Variants in SGCD observed in about 807,000 individuals in gnomAD.
The protein encoded by SGCD is sarcoglycan delta, also known as delta-sarcoglycan.
Under a neutral mutation model 36.6 loss-of-function variants are expected in SGCD, and 18 were observed. That is an observed-to-expected ratio of 0.49 (90% CI 0.34 to 0.73). SGCD has a LOEUF of 0.73. Among genes scored for constraint, SGCD ranks in the 30% least tolerant of loss-of-function variants. The pLI, the probability that SGCD is intolerant of heterozygous loss-of-function variation, is 0.01. For missense variants in SGCD, 387 were observed against 346.7 expected (o/e 1.12, Z -0.92); for synonymous variants, 133 against 130.6 (o/e 1.02, Z -0.12).
chr5:156,076,911 C>T (rs1279399461), intron 1 of SGCD, among the ~76,000 whole-genome samples: 2 of 152,094 alleles, frequency 1.3e-5, no homozygotes, highest in African/African-American at 2.4e-5. Context: ...AAAATTATTG[C>T]TATTTCTTTG....
At chr5:156,254,141 A>C (rs563376360) in intron 3 of SGCD, among the ~76,000 whole-genome samples, 7 of 152,160 alleles carry the variant, frequency 4.6e-5, no homozygotes, top group African/African-American at 1.4e-4. Context: ...TGACTAATAC[A>C]CTGATAATAG....
the SGCD span, among the ~76,000 whole-genome samples, chr5:155,781,545 T>C: frequency 6.6e-6 from 1 of 152,310 alleles, no homozygotes; most frequent in South Asian, 2.1e-4. Context: ...CAATGCACCC[T>C]TGACCTCCTG....
chr5:156,269,341 G>C (rs551707335), intron 3 of SGCD, among the ~76,000 whole-genome samples: 1 of 151,726 alleles, frequency 6.6e-6, no homozygotes, highest in African/African-American at 2.4e-5. Context: ...ATGTTGGCGG[G>C]TGCCTGTTGT....
upstream of SGCD, chr5:156,326,674 A>G (rs1767824230): frequency 6.6e-6 from 1 of 152,336 alleles, no homozygotes; most frequent in South Asian, 2.1e-4. Flanking sequence ...CAGGACTGGC[A>G]AGAGCTCAGG....
At position 156,576,428 on chromosome 5, in the gene SGCD, C is replaced by T. The variant is rs80101550; in HGVS notation, c.295-12803C>T. ...ATAGTAGCATGATTTATAATCCTTT[C>T]GGTATATACCCAGTAATAAGATCAC... On this transcript the variant is annotated intron_variant, in intron 4 of 8. Coordinates refer to ENST00000337851, the MANE Select transcript of SGCD (RefSeq NM_000337.6). Among the ~76,000 whole-genome samples, 1,076 of 152,172 alleles carry T rather than the reference C, an allele frequency of 7.1e-3. 12 individuals carry two copies. The highest frequency in any genetic ancestry group is 0.05 in the East Asian group (256 of 5,164).
chr5:156,508,405 G>A (rs1418682737), intron 3 of SGCD, among the ~76,000 whole-genome samples, 196 bp from the exon 4 acceptor site: 7 of 151,830 alleles, frequency 4.6e-5, no homozygotes, highest in Non-Finnish European at 7.4e-5. Flanking sequence ...TTCTCAGAAA[G>A]AGTGAAAAAG....
At chr5:156,235,285 T>G (rs1389233641) in intron 3 of SGCD, among the ~76,000 whole-genome samples, 1 of 152,222 alleles carries the variant, frequency 6.6e-6, no homozygotes, top group Non-Finnish European at 1.5e-5. Flanking sequence ...AGTTTTGTTC[T>G]GAGGCAGAAA....
chr5:156,635,692 A>G (rs1762801305), intron 6 of SGCD, among the ~76,000 whole-genome samples: 1 of 152,208 alleles, frequency 6.6e-6, no homozygotes, highest in South Asian at 2.1e-4. Context: ...ACACCATGGA[A>G]TACTATGCAG....
chr5:156,362,390 G>A (rs1561645426), intron 3 of SGCD, among the ~76,000 whole-genome samples: 1 of 152,224 alleles, frequency 6.6e-6, no homozygotes, highest in Non-Finnish European at 1.5e-5. Flanking sequence ...GCTCATGCCT[G>A]TAATGCCAGC....
At chr5:155,801,173 A>G in the SGCD span, among the ~76,000 whole-genome samples, 2 of 152,174 alleles carry the variant, frequency 1.3e-5, no homozygotes, top group East Asian at 3.9e-4. Flanking sequence ...CTAGGACTCA[A>G]GTTTGGTTGT....
chr5:155,878,160 A>G (rs556153385), intron 1 of SGCD, among the ~76,000 whole-genome samples: 2 of 152,264 alleles, frequency 1.3e-5, no homozygotes, highest in South Asian at 4.1e-4. Context: ...TGCAAATTAC[A>G]GAAAAACAAC....
chr5:155,988,520 A>G (rs541940270), intron 1 of SGCD, among the ~76,000 whole-genome samples: 1 of 152,174 alleles, frequency 6.6e-6, no homozygotes, highest in Non-Finnish European at 1.5e-5. Context: ...AGACAGATAG[A>G]CAACTAATAG....
At chr5:156,068,657 C>T (rs1443221757) in intron 1 of SGCD, among the ~76,000 whole-genome samples, 5 of 151,752 alleles carry the variant, frequency 3.3e-5, no homozygotes, top group Non-Finnish European at 7.4e-5. Flanking sequence ...ATGGCTGGGT[C>T]AAATGGTATT....
intron 7 of SGCD, among the ~76,000 whole-genome samples, chr5:156,652,332 A>T (rs552545683): frequency 1.6e-4 from 24 of 151,484 alleles, no homozygotes; most frequent in Admixed American, 4.6e-4. Context: ...AGAAAAAAAA[A>T]GTTAATAGCC....
At chr5:155,731,941 CTT>C in the SGCD span, among the ~76,000 whole-genome samples, 2 of 152,212 alleles carry the variant, frequency 1.3e-5, no homozygotes, top group Non-Finnish European at 2.9e-5. Context: ...AAGAGATACT[CTT>C]TAACACCTCT....
intron 3 of SGCD, among the ~76,000 whole-genome samples, chr5:156,470,232 C>T (rs1754894631): frequency 6.6e-6 from 1 of 152,148 alleles, no homozygotes; most frequent in African/African-American, 2.4e-5. Context: ...GTTAGCTTCT[C>T]AGCTTACTTC....
chr5:156,520,093 A>G (rs1354941411), intron 4 of SGCD, among the ~76,000 whole-genome samples: 2 of 152,202 alleles, frequency 1.3e-5, no homozygotes, highest in Non-Finnish European at 2.9e-5. Context: ...TTTGCAGATG[A>G]TATGATCCTA....
intron 3 of SGCD, among the ~76,000 whole-genome samples, chr5:156,250,878 T>C (rs1466496562): frequency 1.3e-5 from 2 of 152,042 alleles, no homozygotes; most frequent in African/African-American, 4.8e-5. Context: ...GTAATGGTAA[T>C]AAAGAGATAA....
chr5:155,770,789 T>TTTC, the SGCD span, among the ~76,000 whole-genome samples: 2 of 152,192 alleles, frequency 1.3e-5, no homozygotes, highest in Admixed American at 6.5e-5. Context: ...GGTATGAATT[T>TTTC]AGTCCTCTTT....
Sources: gnomAD v4.1 joint callset for allele counts (sites outside exome capture counted in the v4.1 genomes callset) on GRCh38, gnomAD v4.1.1 for gene constraint, MANE v1.5 for transcripts, NCBI Gene and HGNC (gene_info 2026-07-23, HGNC 2026-07-21) for gene names.